The following HOOK3 variants were observed in gnomAD, a reference collection of about 807,000 sequenced individuals.
The protein encoded by HOOK3 is protein Hook homolog 3.
A neutral mutation model predicts 116.3 loss-of-function variants in HOOK3; 24 were observed. The observed-to-expected ratio is 0.21, with a 90% CI of 0.15 to 0.29. The LOEUF (loss-of-function observed/expected upper bound fraction) is 0.29. HOOK3 is among the 10% of genes least tolerant of loss of function. The pLI is 1.00. For missense variants in HOOK3, 632 were observed against 830.2 expected (o/e 0.76, Z 2.93); for synonymous variants, 275 against 283.0 (o/e 0.97, Z 0.28).
chr8:43,002,771 G>T (rs1237738821), intron 17 of HOOK3, among the ~76,000 whole-genome samples: 1 of 152,128 alleles, frequency 6.6e-6, no homozygotes, highest in African/African-American at 2.4e-5. Context: ...TTGAACTCCT[G>T]GTCTCAAGTG....
chr8:42,981,384 T>A (rs1808940296), intron 13 of HOOK3, among the ~76,000 whole-genome samples: 1 of 152,160 alleles, frequency 6.6e-6, no homozygotes, highest in African/African-American at 2.4e-5. Flanking sequence ...TTACTGAGTT[T>A]CAGTTATTCT....
At chr8:43,012,078 CAG>C (rs1029448248) in intron 19 of HOOK3, among the ~76,000 whole-genome samples, 3 of 152,134 alleles carry the variant, frequency 2.0e-5, no homozygotes, top group African/African-American at 4.8e-5. Flanking sequence ...TGATCAGAGA[CAG>C]AAGTCTAGCA....
intron 15 of HOOK3, 141 bp from the exon 16 acceptor site, chr8:42,997,409 C>A: frequency 1.7e-6 from 1 of 587,026 alleles, no homozygotes; most frequent in Non-Finnish European, 3.1e-6. Flanking sequence ...CCACTCATGA[C>A]ATTAGGCCAC....
intron 8 of HOOK3, among the ~76,000 whole-genome samples, chr8:42,964,067 C>T (rs1240977888): frequency 6.6e-6 from 1 of 152,060 alleles, no homozygotes; most frequent in East Asian, 1.9e-4. Context: ...ATTAGCCAGG[C>T]GTGGTGGTGG....
At chr8:42,967,926 T>A in intron 10 of HOOK3, 87 bp from the exon 11 acceptor site, 1 of 746,948 alleles carries the variant, frequency 1.3e-6, no homozygotes, top group East Asian at 2.5e-5. Flanking sequence ...ATTAGATGTG[T>A]GTTTCCTGGC....
intron 21 of HOOK3, among the ~76,000 whole-genome samples, chr8:43,015,534 A>G (rs2130493652): frequency 6.6e-6 from 1 of 152,326 alleles, no homozygotes; most frequent in Middle Eastern, 3.4e-3. Context: ...GAAAACAAAC[A>G]AACAAATACA....
chr8:42,981,292 A>C (rs982861101), intron 13 of HOOK3, among the ~76,000 whole-genome samples: 3 of 151,752 alleles, frequency 2.0e-5, no homozygotes, highest in Admixed American at 2.0e-4. Flanking sequence ...AGCTCAATCG[A>C]TCCGCCCACC....
At chr8:42,909,274 C>G (rs1309939011) in intron 2 of HOOK3, among the ~76,000 whole-genome samples, 1 of 152,150 alleles carries the variant, frequency 6.6e-6, no homozygotes, top group African/African-American at 2.4e-5. Flanking sequence ...CCATATGATC[C>G]AGCAATCCCA....
At chr8:43,015,811 C>T (rs1487755136) in intron 21 of HOOK3, among the ~76,000 whole-genome samples, 4 of 151,178 alleles carry the variant, frequency 2.6e-5, no homozygotes, top group East Asian at 4.0e-4. Context: ...CTCCGCCTCC[C>T]GGGTTCAAGC....
intron 7 of HOOK3, 41 bp from the exon 8 acceptor site, chr8:42,959,190 C>A: frequency 2.2e-5 from 28 of 1,280,298 alleles, no homozygotes; most frequent in Non-Finnish European, 3.0e-5. Flanking sequence ...TTAATTGTTA[C>A]CACTTCATAT....
chr8:42,900,573 C>T (rs1420798918), intron 1 of HOOK3, among the ~76,000 whole-genome samples: 1 of 152,098 alleles, frequency 6.6e-6, no homozygotes, highest in African/African-American at 2.4e-5. Context: ...ATTCCATTCT[C>T]CTCTGCCTAA....
chr8:42,914,982 A>G (rs1807502937), intron 2 of HOOK3, among the ~76,000 whole-genome samples: 1 of 152,142 alleles, frequency 6.6e-6, no homozygotes, highest in Non-Finnish European at 1.5e-5. Flanking sequence ...CATTCCAGAG[A>G]TGTATAGAAA....
rs944548873 is a variant in HOOK3 at position 42,920,581 on chromosome 8, A to G, written c.144-4976A>G. Among the ~76,000 whole-genome samples, 6 of 152,220 alleles carry G rather than the reference A, an allele frequency of 3.9e-5. No individual in the cohort carries two copies. The East Asian group carries it at 1.2e-3, about 29-fold the overall frequency. ...AGGAAATGCCTGCCCTTCATGAACAAGAAGGTGATGAATGACGCTGGTCTT... is the reference window on the plus strand; with the variant it reads ...AGGAAATGCCTGCCCTTCATGAACAGGAAGGTGATGAATGACGCTGGTCTT... On this transcript the variant is annotated intron_variant, in intron 2 of 21. Transcript: ENST00000307602.
intron 4 of HOOK3, among the ~76,000 whole-genome samples, chr8:42,934,635 A>G (rs759918566): frequency 1.3e-5 from 2 of 151,866 alleles, no homozygotes; most frequent in Non-Finnish European, 2.9e-5. Context: ...GAGTGAGAAC[A>G]TGCGGTGTTT....
Position 42,910,267 on chromosome 8 carries a change from A to G in HOOK3, c.143+4009A>G, listed in dbSNP as rs530958372. 8.5e-5 allele frequency among the ~76,000 whole-genome samples: 13 copies of G among 152,316 alleles called. No homozygotes were observed. In the South Asian group the frequency reaches 1.9e-3, roughly 22 times the overall value. On this transcript the variant is annotated intron_variant, in intron 2 of 21. Coordinates refer to ENST00000307602, the MANE Select transcript of HOOK3 (RefSeq NM_032410.4). ...GATCATAATATACATTGTGTTTTGC[A>G]AAGTGGTCTTTTCATTTACCAAAGT...
At chr8:42,906,842 G>A (rs943420422) in intron 2 of HOOK3, among the ~76,000 whole-genome samples, 10 of 152,190 alleles carry the variant, frequency 6.6e-5, no homozygotes, top group African/African-American at 2.2e-4. Context: ...AGGCGAATGC[G>A]TGGTTTTATG....
intron 1 of HOOK3, among the ~76,000 whole-genome samples, chr8:42,903,169 G>C (rs902466181): frequency 3.3e-5 from 5 of 152,210 alleles, no homozygotes; most frequent in Non-Finnish European, 7.4e-5. Flanking sequence ...TGTCAGGGCA[G>C]CTTGGAAGGA....
chr8:42,979,965 CTT>C (rs1194992402), intron 13 of HOOK3, among the ~76,000 whole-genome samples: 7 of 138,612 alleles, frequency 5.1e-5, no homozygotes, highest in Non-Finnish European at 6.3e-5. Context: ...TTTTTCTTTT[CTT>C]TTTTTTTTTT....
rs568416152 is a variant in HOOK3, at chr8:42,938,992, G to T, written c.268-4321G>T. Among the ~76,000 whole-genome samples the T allele has an allele frequency of 2.0e-5, 3 of 152,266 alleles. No homozygotes were observed. In the South Asian group the frequency reaches 6.2e-4, roughly 32 times the overall value. ...CACCGCCCTTAATCCATTTAACCCT[G>T]AGTGGATACAGCACATGTTTCAGAG... On this transcript the variant is annotated intron_variant, in intron 4 of 21. Transcript: ENST00000307602.
Sources: gnomAD v4.1 joint callset for allele counts (sites outside exome capture counted in the v4.1 genomes callset) on GRCh38, gnomAD v4.1.1 for gene constraint, MANE v1.5 for transcripts, NCBI Gene and HGNC (gene_info 2026-07-23, HGNC 2026-07-21) for gene names.